CNTNAP2: variants seen among roughly 807,000 people sequenced by gnomAD.
CNTNAP2 encodes the protein contactin-associated protein-like 2.
Under a neutral mutation model 155.2 loss-of-function variants are expected in CNTNAP2, and 98 were observed. The ratio of observed to expected loss-of-function variants is 0.63; its 90% CI spans 0.54 to 0.75. The LOEUF (loss-of-function observed/expected upper bound fraction) is 0.75. Ranked by LOEUF, CNTNAP2 falls within the 30% of genes least tolerant of loss-of-function variation. The pLI, the probability that CNTNAP2 is intolerant of heterozygous loss-of-function variation, is 0.00. For missense variants in CNTNAP2, 1,727 were observed against 1,688.1 expected (o/e 1.02, Z -0.40); for synonymous variants, 651 against 631.2 (o/e 1.03, Z -0.47).
At chr7:148,038,924 TAAGTCCCACAA>T (rs1355408558) in intron 15 of CNTNAP2, among the ~76,000 whole-genome samples, 1 of 152,188 alleles carries the variant, frequency 6.6e-6, no homozygotes, top group African/African-American at 2.4e-5. Context: ...TTATGAAAGC[TAAGTCCCACAA>T]CAGGCCCTCT....
intron 11 of CNTNAP2, among the ~76,000 whole-genome samples, chr7:147,528,983 T>A (rs1299879158): frequency 6.6e-6 from 1 of 152,186 alleles, no homozygotes; most frequent in Non-Finnish European, 1.5e-5. Context: ...GATGAAACCA[T>A]CTTTAATCAT....
At chr7:148,401,180 G>A (rs2116699193) in intron 22 of CNTNAP2, among the ~76,000 whole-genome samples, 1 of 152,300 alleles carries the variant, frequency 6.6e-6, no homozygotes, top group Non-Finnish European at 1.5e-5. Flanking sequence ...CTCTGATCCA[G>A]ACTTTCAAGG....
chr7:147,748,031 A>C (rs1163005657), intron 13 of CNTNAP2, among the ~76,000 whole-genome samples: 2 of 152,252 alleles, frequency 1.3e-5, no homozygotes, highest in African/African-American at 2.4e-5. Flanking sequence ...TCCCATGCTG[A>C]ATGCTTTTCC....
intron 1 of CNTNAP2, among the ~76,000 whole-genome samples, chr7:146,250,225 T>C (rs1327648804): frequency 6.6e-6 from 1 of 152,200 alleles, no homozygotes; most frequent in Non-Finnish European, 1.5e-5. Flanking sequence ...AGGCTTCTTA[T>C]GATAATTGAC....
intron 8 of CNTNAP2, among the ~76,000 whole-genome samples, chr7:147,163,235 G>A (rs781067638): frequency 4.0e-4 from 61 of 152,126 alleles, no homozygotes; most frequent in Non-Finnish European, 6.9e-4. Flanking sequence ...GAAAGGAATG[G>A]ATGGCTAGGC....
rs966953435 is a variant in CNTNAP2 at position 148,195,173 on chromosome 7, G to A, written c.3011-22115G>A. ...TTGTACCCTCTGTGATGAAAGTCAC[G>A]CTGTCTGATTGCACATTCCTTCTGG... On this transcript the variant is annotated intron_variant, in intron 18 of 23. Transcript: ENST00000361727. Among the ~76,000 whole-genome samples the A allele has an allele frequency of 3.9e-5, 6 of 152,252 alleles. No individual in the cohort carries two copies. In the South Asian group the frequency reaches 8.3e-4, roughly 21 times the overall value.
intron 1 of CNTNAP2, among the ~76,000 whole-genome samples, chr7:146,517,309 A>G (rs995181362): frequency 2.0e-5 from 3 of 152,016 alleles, no homozygotes; most frequent in African/African-American, 7.2e-5. Flanking sequence ...CTGCATTAAA[A>G]TTAATCCACT....
chr7:147,866,167 C>A (rs1224490193), intron 13 of CNTNAP2, among the ~76,000 whole-genome samples: 1 of 152,190 alleles, frequency 6.6e-6, no homozygotes, highest in Non-Finnish European at 1.5e-5. Flanking sequence ...TTTCTGCCTT[C>A]ATTTCGTCAT....
At chr7:147,001,145 C>T (rs552003078) in intron 3 of CNTNAP2, among the ~76,000 whole-genome samples, 34 of 152,108 alleles carry the variant, frequency 2.2e-4, no homozygotes, top group Middle Eastern at 3.4e-3. Context: ...CAAAAATGTC[C>T]GTTCTACCTT....
intron 1 of CNTNAP2, among the ~76,000 whole-genome samples, chr7:146,385,274 G>A (rs1795444499): frequency 6.6e-6 from 1 of 152,120 alleles, no homozygotes; most frequent in African/African-American, 2.4e-5. Context: ...TAAAGGGCTT[G>A]CCTAGGGATT....
intron 3 of CNTNAP2, among the ~76,000 whole-genome samples, chr7:146,981,946 A>T (rs961606204): frequency 1.8e-4 from 28 of 152,242 alleles, no homozygotes; most frequent in African/African-American, 6.8e-4. Context: ...CCATTACAGC[A>T]TGAAAGCAGA....
At chr7:148,362,461 T>C (rs1221772037) in intron 21 of CNTNAP2, among the ~76,000 whole-genome samples, 1 of 152,200 alleles carries the variant, frequency 6.6e-6, no homozygotes, top group Non-Finnish European at 1.5e-5. Context: ...CAACTCAACC[T>C]GTAATAGGAT....
chr7:148,190,382 A>G (rs188188938), intron 18 of CNTNAP2: 1 of 152,348 alleles, frequency 6.6e-6, no homozygotes, highest in East Asian at 1.9e-4. Flanking sequence ...GTTGTTTTAA[A>G]CCAGCAAGTT....
chr7:146,666,730 T>A (rs1800201992), intron 1 of CNTNAP2, among the ~76,000 whole-genome samples: 1 of 152,196 alleles, frequency 6.6e-6, no homozygotes, highest in African/African-American at 2.4e-5. Context: ...GGTTTTAATT[T>A]GTATTTCCCT....
intron 9 of CNTNAP2, among the ~76,000 whole-genome samples, chr7:147,366,260 A>C (rs1040914089): frequency 3.3e-5 from 5 of 152,220 alleles, no homozygotes; most frequent in African/African-American, 9.6e-5. Context: ...ATGAATCTAA[A>C]GTTTTGCCTC....
At chr7:146,387,328 T>G (rs73738735) in intron 1 of CNTNAP2, among the ~76,000 whole-genome samples, 1 of 152,236 alleles carries the variant, frequency 6.6e-6, no homozygotes. Context: ...ACATTCAAGA[T>G]CCTTGTCAGC....
chr7:147,412,449 G>A (rs531084680), intron 10 of CNTNAP2, among the ~76,000 whole-genome samples: 2 of 152,252 alleles, frequency 1.3e-5, no homozygotes, highest in South Asian at 4.1e-4. Flanking sequence ...CTCAGGATCT[G>A]TAAGACTGGG....
intron 3 of CNTNAP2, among the ~76,000 whole-genome samples, chr7:146,951,681 GT>G (rs1355751535): frequency 1.3e-5 from 2 of 152,138 alleles, no homozygotes; most frequent in Non-Finnish European, 2.9e-5. Context: ...GTACCATGCT[GT>G]TTTGGTTACT....
chr7:148,277,802 GAA>G (rs1796901016), intron 21 of CNTNAP2, among the ~76,000 whole-genome samples: 1 of 142,540 alleles, frequency 7.0e-6, no homozygotes, highest in Non-Finnish European at 1.5e-5. Flanking sequence ...AAGAAAAAAA[GAA>G]AAAAAGCTTT....
Sources: allele counts gnomAD v4.1 joint callset (sites outside exome capture counted in the v4.1 genomes callset), GRCh38; gene constraint gnomAD v4.1.1; transcripts MANE v1.5; gene names NCBI Gene and HGNC (gene_info 2026-07-23, HGNC 2026-07-21).